Variants in MTUS1 observed in about 807,000 individuals in gnomAD.
MTUS1 encodes microtubule associated scaffold protein 1, also known as microtubule-associated tumor suppressor 1.
In MTUS1, 109 loss-of-function variants were observed where a neutral mutation model predicts 120.8. The ratio of observed to expected loss-of-function variants is 0.90; its 90% confidence interval spans 0.77 to 1.06. MTUS1 has a LOEUF of 1.06. MTUS1 is among the 50% of genes least tolerant of loss of function. MTUS1 has a pLI of 0.00. For synonymous variants in MTUS1, 737 were observed against 550.5 expected (o/e 1.34, Z -4.74); for missense variants, 2,210 against 1,486.3 (o/e 1.49, Z -8.01).
chr8:17,687,180 C>T (rs907831339), intron 6 of MTUS1, among the ~76,000 whole-genome samples: 1 of 152,170 alleles, frequency 6.6e-6, no homozygotes, highest in Non-Finnish European at 1.5e-5. Context: ...AGACTGCCCT[C>T]TCCGTGGCGC....
chr8:17,763,855 G>A (rs1307519073), intron 1 of MTUS1, among the ~76,000 whole-genome samples: 1 of 152,156 alleles, frequency 6.6e-6, no homozygotes, highest in Non-Finnish European at 1.5e-5. Context: ...CCACCTCTGG[G>A]CCTGGACCAT....
intron 6 of MTUS1, 140 bp downstream of exon 6, chr8:17,713,074 C>T (rs1023478497): frequency 2.8e-5 from 20 of 707,472 alleles, no homozygotes; most frequent in Non-Finnish European, 4.0e-5. Flanking sequence ...CTATGCGACC[C>T]GTCATAAAAA....
chr8:17,668,292 C>A (rs1019337270), intron 8 of MTUS1, among the ~76,000 whole-genome samples: 4 of 152,162 alleles, frequency 2.6e-5, no homozygotes, highest in African/African-American at 9.7e-5. Context: ...AATTCTTCTT[C>A]CAACGTGGCC....
intron 8 of MTUS1, among the ~76,000 whole-genome samples, chr8:17,659,618 A>T (rs984434475): frequency 1.3e-5 from 2 of 152,110 alleles, no homozygotes; most frequent in African/African-American, 4.8e-5. Context: ...GAATCGCTTG[A>T]ACCCGGGAGG....
At chr8:17,798,998 A>T (rs2052471557) in intron 1 of MTUS1, among the ~76,000 whole-genome samples, 1 of 141,474 alleles carries the variant, frequency 7.1e-6, no homozygotes, top group African/African-American at 2.6e-5. Context: ...AGCACTGTTC[A>T]CCTATAAACC....
chr8:17,791,825 C>A (rs1435180676), intron 1 of MTUS1, among the ~76,000 whole-genome samples: 1 of 152,136 alleles, frequency 6.6e-6, no homozygotes, highest in Non-Finnish European at 1.5e-5. Flanking sequence ...AAATGAAACA[C>A]CTATCTATGA....
chr8:17,664,828 C>T (rs566033603), intron 8 of MTUS1, among the ~76,000 whole-genome samples: 8 of 152,186 alleles, frequency 5.3e-5, no homozygotes, highest in Admixed American at 4.6e-4. Flanking sequence ...TGGTTTGAAA[C>T]TGGAGGTAGT....
chr8:17,706,396 C>T (rs1379529926), intron 6 of MTUS1, among the ~76,000 whole-genome samples: 1 of 152,016 alleles, frequency 6.6e-6, no homozygotes, highest in Non-Finnish European at 1.5e-5. Flanking sequence ...ACATCCCGTG[C>T]CTTAAAAGTT....
At chr8:17,662,493 C>G (rs1809972788) in intron 8 of MTUS1, among the ~76,000 whole-genome samples, 2 of 151,520 alleles carry the variant, frequency 1.3e-5, no homozygotes, top group African/African-American at 4.9e-5. Flanking sequence ...GTAGCTGGGA[C>G]TACAGGTGCA....
chr8:17,727,619 C>T (rs905303627), intron 3 of MTUS1, among the ~76,000 whole-genome samples: 1 of 152,188 alleles, frequency 6.6e-6, no homozygotes, highest in Non-Finnish European at 1.5e-5. Context: ...GTAACACAGG[C>T]GCTAAATTCT....
intron 3 of MTUS1, among the ~76,000 whole-genome samples, chr8:17,739,051 G>C (rs1374567992): frequency 6.6e-6 from 1 of 152,040 alleles, no homozygotes; most frequent in East Asian, 1.9e-4. Context: ...GCTGAGACAG[G>C]AGGATTTCTT....
At chr8:17,654,849 G>T (rs1014070388) in intron 9 of MTUS1, 183 bp from the exon 10 acceptor site, 2 of 586,606 alleles carry the variant, frequency 3.4e-6, no homozygotes, top group Non-Finnish European at 6.1e-6. Context: ...AGCACTCTGG[G>T]AGGCAGAGGT....
rs112640768 is a variant in MTUS1 at position 17,736,281 on chromosome 8, C to T, written c.2287+7323G>A. Among the ~76,000 whole-genome samples the T allele has an allele frequency of 2.0e-4, 30 of 152,332 alleles. 1 individual carries two copies. The highest frequency in any genetic ancestry group is 5.5e-4 in the African/African-American group (23 of 41,578). On this transcript the variant is annotated intron_variant, in intron 3 of 14. Coordinates refer to ENST00000693296, the MANE Select transcript of MTUS1 (RefSeq NM_001363059.2). ...GAGGATGAAAAGAGGACATGTGCCT[C>T]GCAGGCACCTGCATGGCCCTGCTTG...
intron 7 of MTUS1, among the ~76,000 whole-genome samples, chr8:17,682,411 G>A (rs935111637): frequency 4.6e-5 from 7 of 151,804 alleles, no homozygotes; most frequent in South Asian, 4.2e-4. Flanking sequence ...CCAGCTATTC[G>A]GGAGGCTGAG....
chr8:17,798,979 T>C (rs1235077985), intron 1 of MTUS1, among the ~76,000 whole-genome samples: 1 of 151,636 alleles, frequency 6.6e-6, no homozygotes, highest in African/African-American at 2.4e-5. Flanking sequence ...GAAGTTTAAA[T>C]ATAGAGAAAG....
rs116462546 is a variant in MTUS1, at chr8:17,751,908, G to C, written c.2091+1809C>G. Among the ~76,000 whole-genome samples, 9 of 146,434 alleles carry C rather than the reference G, an allele frequency of 6.1e-5. No individual in the cohort carries two copies. The East Asian group carries it at 1.8e-3, about 29-fold the overall frequency. On this transcript the variant is annotated intron_variant, in intron 2 of 14. Transcript: ENST00000693296. ...AAAAGAAAGCAAAAAAGAAAAAAGA[G>C]TCCCTTATGCCAGTTGATAAGCATA...
intron 4 of MTUS1, chr8:17,722,275 C>T (rs891131808): frequency 1.8e-5 from 18 of 988,388 alleles, no homozygotes; most frequent in Non-Finnish European, 2.2e-5. Flanking sequence ...GGCTGTGGCA[C>T]TACAGACTGT....
At chr8:17,673,199 C>T (rs1043820402) in intron 8 of MTUS1, among the ~76,000 whole-genome samples, 1 of 152,224 alleles carries the variant, frequency 6.6e-6, no homozygotes, top group Non-Finnish European at 1.5e-5. Flanking sequence ...AGTTAAGTAA[C>T]ATGGCAGAAA....
rs763827772 is a variant in MTUS1, at chr8:17,691,970, T to A, written c.2624-7428A>T. The stretch of plus-strand genomic sequence containing the variant: ...CAAAAATCAAATGTTAAGACTTACG[T>A]CCAAACGACAAAATAACTTGAAAGT... On this transcript the variant is annotated intron_variant, in intron 6 of 14. Coordinates refer to ENST00000693296, the MANE Select transcript of MTUS1 (RefSeq NM_001363059.2). 3.3e-5 allele frequency: 5 copies of A among 152,132 alleles called. No individual in the cohort carries two copies. In the South Asian group the frequency reaches 1.0e-3, roughly 31 times the overall value. The allele number at this position is 152,132 out of a possible 1,614,324, so 9.4% of individuals were successfully genotyped here.
Sources: gnomAD v4.1 joint callset for allele counts (sites outside exome capture counted in the v4.1 genomes callset) on GRCh38, gnomAD v4.1.1 for gene constraint, MANE v1.5 for transcripts, NCBI Gene and HGNC (gene_info 2026-07-23, HGNC 2026-07-21) for gene names.